The following EPN2 variants were observed in gnomAD, a reference collection of about 807,000 sequenced individuals.
EPN2 encodes epsin 2.
A neutral mutation model predicts 61.7 loss-of-function variants in EPN2; 34 were observed. The observed-to-expected ratio is 0.55, with a 90% CI of 0.42 to 0.73. The LOEUF (loss-of-function observed/expected upper bound fraction) is 0.73, where lower values mean the gene tolerates loss of function less well. EPN2 is among the 30% of genes least tolerant of loss of function. The pLI is 0.00. For synonymous variants in EPN2, 349 were observed against 353.6 expected, an observed-to-expected ratio of 0.99 and a Z score of 0.15; for missense variants, 714 against 839.2, an observed-to-expected ratio of 0.85 and a Z score of 1.84.
At chr17:19,245,879 G>T (rs555239696) in intron 1 of EPN2, among the ~76,000 whole-genome samples, 3 of 152,028 alleles carry the variant, frequency 2.0e-5, no homozygotes, top group African/African-American at 7.2e-5. Context: ...TGGCCAGGCT[G>T]GTCTCGAACT....
chr17:19,245,107 C>G, intron 1 of EPN2, among the ~76,000 whole-genome samples: 1 of 152,076 alleles, frequency 6.6e-6, no homozygotes, highest in Non-Finnish European at 1.5e-5. Flanking sequence ...GATTTTGGAG[C>G]TTTATGAAGT....
chr17:19,308,731 A>G (rs1905976557), intron 4 of EPN2: 1 of 942,784 alleles, frequency 1.1e-6, no homozygotes, highest in Non-Finnish European at 1.3e-6. Flanking sequence ...GTTTTAGAGA[A>G]GCTATGGACC....
intron 4 of EPN2, among the ~76,000 whole-genome samples, chr17:19,293,597 T>C (rs967927945): frequency 6.8e-6 from 1 of 147,672 alleles, no homozygotes; most frequent in Non-Finnish European, 1.5e-5. Flanking sequence ...TTTGCCACGT[T>C]GCCCAGGCTG....
chr17:19,308,786 C>T (rs188445303), intron 4 of EPN2, among the ~76,000 whole-genome samples: 127 of 152,284 alleles, frequency 8.3e-4, no homozygotes, highest in African/African-American at 3.0e-3. Context: ...TCTAAAACTA[C>T]AATAATTTCT....
intron 4 of EPN2, among the ~76,000 whole-genome samples, chr17:19,291,581 G>A (rs892786459): frequency 6.6e-6 from 1 of 151,842 alleles, no homozygotes; most frequent in Admixed American, 6.5e-5. Context: ...GGGACTACAG[G>A]CGCCCGCCAC....
chr17:19,309,004 C>CTGCATATG (rs60619100), intron 4 of EPN2, among the ~76,000 whole-genome samples: 1 of 151,978 alleles, frequency 6.6e-6, no homozygotes, highest in Non-Finnish European at 1.5e-5. Flanking sequence ...GCAAAAGTGT[C>CTGCATATG]TGCATTTTTA....
At chr17:19,279,012 T>A (rs1356262675) in intron 1 of EPN2, among the ~76,000 whole-genome samples, 1 of 152,220 alleles carries the variant, frequency 6.6e-6, no homozygotes, top group Non-Finnish European at 1.5e-5. Context: ...CAGGCAGCCA[T>A]GCAAATTATA....
At chr17:19,274,888 T>C (rs1378409228) in intron 1 of EPN2, among the ~76,000 whole-genome samples, 3 of 152,160 alleles carry the variant, frequency 2.0e-5, no homozygotes, top group African/African-American at 7.2e-5. Flanking sequence ...AGTTTTGTTC[T>C]GTTTGCTGTT....
rs549946013 is a variant in EPN2, at chr17:19,302,048, G to A, written c.767-7837G>A. Among the ~76,000 whole-genome samples, 8 of 152,304 alleles carry A rather than the reference G, an allele frequency of 5.3e-5. No individual in the cohort carries two copies. In the East Asian group the frequency reaches 9.7e-4, roughly 18 times the overall value. ...CAGCCATTTACCCTCTCTGGGCCCC[G>A]GTGTCCTCATCAGTGGGAAGGGTTG... On this transcript the variant is annotated intron_variant, in intron 4 of 10. Transcript: ENST00000314728.
At chr17:19,291,517 A>G (rs574180038) in intron 4 of EPN2, among the ~76,000 whole-genome samples, 6 of 140,684 alleles carry the variant, frequency 4.3e-5, no homozygotes, top group African/African-American at 1.6e-4. Context: ...GGCTCACTGC[A>G]AGCTCCGCTT....
chr17:19,290,700 C>CAA (rs757256478), intron 4 of EPN2, among the ~76,000 whole-genome samples: 452 of 41,000 alleles, frequency 0.011, 14 homozygotes, highest in Non-Finnish European at 0.013. Context: ...TTCCCGTTCT[C>CAA]AAAAAAAAAA....
chr17:19,295,786 A>G (rs923968998), intron 4 of EPN2, among the ~76,000 whole-genome samples: 6 of 151,912 alleles, frequency 3.9e-5, no homozygotes, highest in African/African-American at 1.5e-4. Context: ...CCTCTCCCAC[A>G]CCTCTCAAAT....
intron 1 of EPN2, chr17:19,271,695 A>G (rs1261085919): frequency 1.3e-5 from 2 of 152,290 alleles, no homozygotes; most frequent in Non-Finnish European, 2.9e-5. Context: ...TACTATGGAA[A>G]GAGTTAGATG....
At chr17:19,278,738 T>C (rs2045332974) in intron 1 of EPN2, among the ~76,000 whole-genome samples, 1 of 152,216 alleles carries the variant, frequency 6.6e-6, no homozygotes, top group Non-Finnish European at 1.5e-5. Flanking sequence ...AACCTCTGCC[T>C]CCTGGGTTGA....
chr17:19,279,295 T>G (rs975162238), intron 1 of EPN2, among the ~76,000 whole-genome samples: 2 of 152,154 alleles, frequency 1.3e-5, no homozygotes, highest in Admixed American at 1.3e-4. Context: ...AGGAGGCTCA[T>G]TGGGAGCCCT....
intron 9 of EPN2, among the ~76,000 whole-genome samples, chr17:19,330,918 C>G (rs1235576362): frequency 6.6e-6 from 1 of 152,186 alleles, no homozygotes; most frequent in Non-Finnish European, 1.5e-5. Context: ...GGGAGGATCC[C>G]TTGAGCCCAG....
At chr17:19,297,853 T>C (rs1438035254) in intron 4 of EPN2, among the ~76,000 whole-genome samples, 2 of 151,942 alleles carry the variant, frequency 1.3e-5, no homozygotes, top group Non-Finnish European at 2.9e-5. Flanking sequence ...GCTAGATACT[T>C]AGTTATATTT....
In EPN2 at chr17:19,267,779, G is replaced by T. The variant is rs1342870853; in HGVS notation, c.-293-14176G>T. On this transcript the variant is annotated intron_variant, in intron 1 of 10. Coordinates refer to ENST00000314728, the MANE Select transcript of EPN2 (RefSeq NM_014964.5). ...GCTGGTCTCGAACTCCTGACCTCGT[G>T]ATCCACCCACCTCAGCCTCCCAAAG... Among the ~76,000 whole-genome samples, 9 of 152,218 alleles carry T rather than the reference G, an allele frequency of 5.9e-5. No homozygotes were observed. In the East Asian group the frequency reaches 1.7e-3, roughly 29 times the overall value.
At chr17:19,245,197 C>T (rs1597966458) in intron 1 of EPN2, among the ~76,000 whole-genome samples, 1 of 152,044 alleles carries the variant, frequency 6.6e-6, no homozygotes, top group Admixed American at 6.6e-5. Context: ...CTAGGGCTAC[C>T]CTAGATGGCT....
Sources: gnomAD v4.1 joint callset for allele counts (sites outside exome capture counted in the v4.1 genomes callset) on GRCh38, gnomAD v4.1.1 for gene constraint, MANE v1.5 for transcripts, NCBI Gene and HGNC (gene_info 2026-07-23, HGNC 2026-07-21) for gene names.